The following GLG1 variants were observed in gnomAD, a reference collection of about 807,000 sequenced individuals.
GLG1 encodes Golgi apparatus protein 1.
GLG1 carries 38 observed loss-of-function variants against 160.5 expected under a neutral mutation model. That is an observed-to-expected ratio of 0.24 (90% confidence interval 0.18 to 0.31). The LOEUF (loss-of-function observed/expected upper bound fraction) is 0.31. Among genes scored for constraint, GLG1 ranks in the 10% least tolerant of loss-of-function variants. The pLI, the probability that GLG1 is intolerant of heterozygous loss-of-function variation, is 1.00. For synonymous variants in GLG1, 644 were observed against 543.4 expected (o/e 1.19, Z -2.57); for missense variants, 1,373 against 1,505.2 (o/e 0.91, Z 1.45).
chr16:74,603,801 T>G (rs568205669), intron 1 of GLG1, among the ~76,000 whole-genome samples: 1 of 152,274 alleles, frequency 6.6e-6, no homozygotes, highest in South Asian at 2.1e-4. Context: ...CCAGGGAATA[T>G]TTTTTCTTTT....
chr16:74,477,798 AC>A (rs2015440843), intron 11 of GLG1, among the ~76,000 whole-genome samples: 2 of 151,704 alleles, frequency 1.3e-5, no homozygotes, highest in African/African-American at 4.8e-5. Context: ...ACATGGAGAA[AC>A]CCTGTCTCTA....
rs191176870 is a variant in GLG1 at position 74,539,670 on chromosome 16, G to A, written c.439-7517C>T. Among the ~76,000 whole-genome samples, 944 of 151,462 alleles carry A rather than the reference G, an allele frequency of 6.2e-3. 4 individuals carry two copies. Among genetic ancestry groups the A allele is most frequent in the Non-Finnish European group, 9.8e-3 (669 of 67,938 alleles). The stretch of plus-strand genomic sequence containing the variant: ...GAAAATATGAAAACACAGAGCAATC[G>A]CTAATTACTCAAAACCACTGCTTTG... On this transcript the variant is annotated intron_variant, in intron 1 of 25. Coordinates refer to ENST00000422840, the MANE Select transcript of GLG1 (RefSeq NM_001145667.2).
chr16:74,512,647 C>G (rs942097941), intron 2 of GLG1, among the ~76,000 whole-genome samples: 1 of 151,032 alleles, frequency 6.6e-6, no homozygotes, highest in Non-Finnish European at 1.5e-5. Flanking sequence ...TCTGGACATC[C>G]TTCTAGGTAA....
chr16:74,523,364 G>T (rs529209080), intron 2 of GLG1, among the ~76,000 whole-genome samples: 1 of 151,986 alleles, frequency 6.6e-6, no homozygotes, highest in South Asian at 2.1e-4. Flanking sequence ...GCTGCTTTAC[G>T]GTAACTCTTC....
chr16:74,489,247 G>A (rs2015898397), intron 8 of GLG1, among the ~76,000 whole-genome samples: 1 of 152,062 alleles, frequency 6.6e-6, no homozygotes, highest in Non-Finnish European at 1.5e-5. Flanking sequence ...GAGGCGGGAA[G>A]ATCACCTGAG....
chr16:74,483,657 TC>T (rs1273717690), intron 9 of GLG1, among the ~76,000 whole-genome samples: 1 of 152,132 alleles, frequency 6.6e-6, no homozygotes, highest in Admixed American at 6.5e-5. Flanking sequence ...TCCTTTCTTT[TC>T]TTTTCTTTTT....
At position 74,480,062 on chromosome 16, in the gene GLG1, G is replaced by T. The variant is rs554883722; in HGVS notation, c.1827+179C>A. ...AACATAAAATCAGATGATAGAAGCT[G>T]GTAGGGCAACTCTAAGTGCACTCAC... On this transcript the variant is annotated intron_variant, in intron 11 of 25. Coordinates refer to ENST00000422840, the MANE Select transcript of GLG1 (RefSeq NM_001145667.2). 2.6e-5 allele frequency among the ~76,000 whole-genome samples: 4 copies of T among 152,124 alleles called. No homozygotes were observed. In the East Asian group the frequency reaches 5.8e-4, roughly 22 times the overall value.
chr16:74,589,007 T>C (rs1194428467), intron 1 of GLG1, among the ~76,000 whole-genome samples: 7 of 151,530 alleles, frequency 4.6e-5, no homozygotes. Context: ...TTTGGGAGGC[T>C]GAGGGGGGTG....
intron 13 of GLG1, among the ~76,000 whole-genome samples, chr16:74,473,779 G>A (rs563004179): frequency 3.7e-4 from 57 of 152,076 alleles, no homozygotes; most frequent in African/African-American, 1.4e-3. Context: ...GTTTCAGGAT[G>A]GAACAGGGAT....
intron 2 of GLG1, among the ~76,000 whole-genome samples, chr16:74,529,675 G>A (rs2017463317): frequency 6.6e-6 from 1 of 151,774 alleles, no homozygotes; most frequent in African/African-American, 2.4e-5. Flanking sequence ...GAATTTCTGG[G>A]TTATATAATT....
At chr16:74,580,543 C>A (rs934645446) in intron 1 of GLG1, among the ~76,000 whole-genome samples, 4 of 151,810 alleles carry the variant, frequency 2.6e-5, no homozygotes, top group Non-Finnish European at 5.9e-5. Context: ...GGATCAAAGG[C>A]CTAAATGTAA....
intron 10 of GLG1, 89 bp from the exon 11 acceptor site, chr16:74,480,483 T>C (rs1483539499): frequency 1.2e-6 from 1 of 839,362 alleles, no homozygotes; most frequent in Non-Finnish European, 1.9e-6. Context: ...TGTTTGCTTG[T>C]ATACTCATTG....
At chr16:74,560,951 C>T (rs1212571569) in intron 1 of GLG1, among the ~76,000 whole-genome samples, 1 of 105,208 alleles carries the variant, frequency 9.5e-6, no homozygotes, top group Admixed American at 1.0e-4. Flanking sequence ...TATGTGTTTG[C>T]TGAGAAAAAA....
At chr16:74,597,880 G>A (rs1232086532) in intron 1 of GLG1, among the ~76,000 whole-genome samples, 1 of 149,696 alleles carries the variant, frequency 6.7e-6, no homozygotes, top group African/African-American at 2.5e-5. Context: ...GCTGGACATG[G>A]TGGTGTGTAC....
chr16:74,469,304 C>T, intron 16 of GLG1: 1 of 561,378 alleles, frequency 1.8e-6, no homozygotes, highest in Non-Finnish European at 3.2e-6. Context: ...GGAAGCCACA[C>T]AGGGCACATG....
intron 18 of GLG1, among the ~76,000 whole-genome samples, chr16:74,467,370 T>C (rs1305109348): frequency 1.3e-5 from 2 of 152,198 alleles, no homozygotes; most frequent in Admixed American, 6.5e-5. Context: ...GTGATTCTGA[T>C]GTGACGTCTA....
intron 1 of GLG1, among the ~76,000 whole-genome samples, chr16:74,605,055 AAAG>A (rs745980537): frequency 6.6e-5 from 10 of 152,182 alleles, no homozygotes; most frequent in Admixed American, 6.6e-5. Context: ...AAAAAAAAGA[AAAG>A]AAGTTTAAAA....
intron 1 of GLG1, among the ~76,000 whole-genome samples, chr16:74,588,586 T>C (rs1958101649): frequency 6.6e-6 from 1 of 152,020 alleles, no homozygotes; most frequent in African/African-American, 2.4e-5. Context: ...CACTGACTAA[T>C]TTTTGTATGT....
chr16:74,598,821 T>C (rs992564347), intron 1 of GLG1, among the ~76,000 whole-genome samples: 1 of 151,474 alleles, frequency 6.6e-6, no homozygotes, highest in African/African-American at 2.4e-5. Flanking sequence ...GAGGTGGAGG[T>C]TGCAGTGAGT....
Sources: gnomAD v4.1 joint callset for allele counts (sites outside exome capture counted in the v4.1 genomes callset) on GRCh38, gnomAD v4.1.1 for gene constraint, MANE v1.5 for transcripts, NCBI Gene and HGNC (gene_info 2026-07-23, HGNC 2026-07-21) for gene names.